The following CLDN16 variants were observed in gnomAD, a reference collection of about 807,000 sequenced individuals.
CLDN16 encodes claudin 16.
In CLDN16, 13 loss-of-function variants were observed where a neutral mutation model predicts 24.6. The observed-to-expected ratio is 0.53, with a 90% confidence interval of 0.34 to 0.84. CLDN16 has a LOEUF of 0.84. Ranked by LOEUF, CLDN16 falls within the 40% of genes least tolerant of loss-of-function variation. The probability of loss-of-function intolerance (pLI) is 0.01; values close to 1 mark genes in which losing one functional copy is unlikely to be tolerated. For missense variants in CLDN16, 298 were observed against 292.7 expected (o/e 1.02, Z -0.13); for synonymous variants, 116 against 106.7 (o/e 1.09, Z -0.54).
upstream of CLDN16, among the ~76,000 whole-genome samples, chr3:190,318,485 T>C (rs1443962281): frequency 6.6e-6 from 1 of 152,184 alleles, no homozygotes; most frequent in African/African-American, 2.4e-5. Flanking sequence ...ATCTGTTGAA[T>C]GGATAAACGA....
At chr3:190,318,091 T>C (rs1392921908), upstream of CLDN16, among the ~76,000 whole-genome samples, 1 of 152,220 alleles carries the variant, frequency 6.6e-6, no homozygotes, top group Non-Finnish European at 1.5e-5. Context: ...CAAAGTTTCA[T>C]AAAAGTCCTA....
At chr3:190,384,131 T>C (rs146445575), upstream of CLDN16, among the ~76,000 whole-genome samples, 34 of 152,284 alleles carry the variant, frequency 2.2e-4, 1 homozygote, top group East Asian at 6.2e-3. Context: ...ATATTAGTTA[T>C]AGCTAGCATG....
chr3:190,401,864 A>G lies in CLDN16; in HGVS notation c.115-473A>G, dbSNP rs948494885. Among the ~76,000 whole-genome samples, 5 of 152,052 alleles carry G rather than the reference A, an allele frequency of 3.3e-5. No homozygotes were observed. The East Asian group carries it at 5.8e-4, about 18-fold the overall frequency. Reference sequence around the variant, plus strand: ...TATAAACTTCATATATAAAGATAATATTTTTCTTCATGGAACTCAGTATTC... The same window carrying G: ...TATAAACTTCATATATAAAGATAATGTTTTTCTTCATGGAACTCAGTATTC... On this transcript the variant is annotated intron_variant, in intron 1 of 4. Coordinates refer to ENST00000264734, the MANE Select transcript of CLDN16 (RefSeq NM_006580.4).
Position 190,337,362 on chromosome 3 carries a change from A to G in CLDN16, n.121+14701A>G, listed in dbSNP as rs1717334514. Among the ~76,000 whole-genome samples, 3 of 152,216 alleles carry G rather than the reference A, an allele frequency of 2.0e-5. No homozygotes were observed. The South Asian group carries it at 6.2e-4, about 31-fold the overall frequency. On this transcript the variant is annotated intron_variant and non_coding_transcript_variant, in intron 1 of 4. Transcript: ENST00000468220. The stretch of plus-strand genomic sequence containing the variant: ...GAACATATGGAAATGGGCAGAAACT[A>G]AGAAGAACTCACCATTACGTGTTAA...
At chr3:190,350,581 G>A (rs556723270) in intron 1 of CLDN16, among the ~76,000 whole-genome samples, 17 of 152,126 alleles carry the variant, frequency 1.1e-4, no homozygotes, top group Non-Finnish European at 1.6e-4. Flanking sequence ...CTGGAGTCAG[G>A]AATGTACAAG....
chr3:190,359,708 G>A (rs1186338492), intron 1 of CLDN16, among the ~76,000 whole-genome samples: 1 of 151,980 alleles, frequency 6.6e-6, no homozygotes, highest in Non-Finnish European at 1.5e-5. Flanking sequence ...TAGCATGGGA[G>A]CACTGAAGAA....
At chr3:190,389,830 T>C (rs1034499604) in intron 1 of CLDN16, among the ~76,000 whole-genome samples, 2 of 152,206 alleles carry the variant, frequency 1.3e-5, no homozygotes, top group African/African-American at 4.8e-5. Flanking sequence ...GAAATATGTT[T>C]AACTTGAGCA....
intron 1 of CLDN16, among the ~76,000 whole-genome samples, chr3:190,334,303 A>G (rs962138413): frequency 6.6e-6 from 1 of 152,180 alleles, no homozygotes; most frequent in Non-Finnish European, 1.5e-5. Flanking sequence ...ATAAGAGGAA[A>G]AGTATTTGAG....
the CLDN16 span, among the ~76,000 whole-genome samples, chr3:190,316,136 T>C: frequency 6.6e-6 from 1 of 152,228 alleles, no homozygotes; most frequent in African/African-American, 2.4e-5. Context: ...TATAGAATAA[T>C]ATATTATTTG....
intron 1 of CLDN16, among the ~76,000 whole-genome samples, chr3:190,395,892 CATAG>C (rs376620560): frequency 1.8e-4 from 28 of 151,944 alleles, no homozygotes; most frequent in African/African-American, 4.1e-4. Flanking sequence ...TAGATAGATA[CATAG>C]ATAGATAGAT....
the CLDN16 span, among the ~76,000 whole-genome samples, chr3:190,304,775 C>T: frequency 6.6e-6 from 1 of 152,068 alleles, no homozygotes; most frequent in South Asian, 2.1e-4. Context: ...ACAACCAGAT[C>T]ATACTAGGAA....
chr3:190,362,191 C>T (rs1045448236), intron 1 of CLDN16, among the ~76,000 whole-genome samples: 6 of 151,950 alleles, frequency 3.9e-5, no homozygotes, highest in African/African-American at 1.4e-4. Flanking sequence ...TCCTTGTTCT[C>T]CATGGCTGTG....
chr3:190,326,820 G>A (rs532854644), intron 1 of CLDN16, among the ~76,000 whole-genome samples: 3 of 152,108 alleles, frequency 2.0e-5, no homozygotes, highest in Non-Finnish European at 2.9e-5. Context: ...GTCATAAAAG[G>A]TTACCTTGAA....
intron 1 of CLDN16, among the ~76,000 whole-genome samples, chr3:190,331,587 T>A (rs964785237): frequency 2.6e-5 from 4 of 152,206 alleles, no homozygotes; most frequent in East Asian, 3.8e-4. Context: ...AATGCAGATA[T>A]AGAGCATTCT....
chr3:190,326,363 C>T lies in CLDN16; in HGVS notation n.121+3702C>T, dbSNP rs146620794. Among the ~76,000 whole-genome samples the T allele has an allele frequency of 5.4e-3, 823 of 152,274 alleles. 6 individuals carry two copies. The highest frequency in any genetic ancestry group is 8.9e-3 in the Non-Finnish European group (607 of 68,030). ...GTCCCACTGAATGTCATAGTTAAAT[C>T]GTAGTGAAAAGATACGCAGTTTCTC... is the stretch of plus-strand genomic sequence containing the variant. On this transcript the variant is annotated intron_variant and non_coding_transcript_variant, in intron 1 of 4. Transcript: ENST00000468220.
At chr3:190,350,778 T>C (rs115891367) in intron 1 of CLDN16, among the ~76,000 whole-genome samples, 3,992 of 152,292 alleles carry the variant, frequency 0.026, 81 homozygotes, top group South Asian at 0.045. Context: ...AATACTAGGC[T>C]GACCTGTTCC....
upstream of CLDN16, among the ~76,000 whole-genome samples, chr3:190,384,115 T>C (rs1718431104): frequency 6.6e-6 from 1 of 152,140 alleles, no homozygotes; most frequent in Non-Finnish European, 1.5e-5. Context: ...AACCACCGCT[T>C]TTTTTATATT....
chr3:190,340,571 C>T (rs919220991), intron 1 of CLDN16, among the ~76,000 whole-genome samples: 5 of 152,254 alleles, frequency 3.3e-5, no homozygotes, highest in East Asian at 1.9e-4. Context: ...ACGTGGGAAT[C>T]GTGGGAGTTA....
chr3:190,335,000 TCTTTTCTTTC>T (rs1339560602), intron 1 of CLDN16, among the ~76,000 whole-genome samples: 2 of 150,502 alleles, frequency 1.3e-5, no homozygotes, highest in Non-Finnish European at 2.9e-5. Flanking sequence ...TTCTTTTTAT[TCTTTTCTTTC>T]CTTTTCTTTT....
Sources: gnomAD v4.1 joint callset for allele counts (sites outside exome capture counted in the v4.1 genomes callset) on GRCh38, gnomAD v4.1.1 for gene constraint, MANE v1.5 for transcripts, NCBI Gene and HGNC (gene_info 2026-07-23, HGNC 2026-07-21) for gene names.